ATCAY: variants seen among roughly 807,000 people sequenced by gnomAD.
ATCAY encodes caytaxin.
ATCAY carries 22 observed loss-of-function variants against 47.7 expected under a neutral mutation model. The ratio of observed to expected loss-of-function variants is 0.46; its 90% confidence interval spans 0.33 to 0.66. ATCAY has a LOEUF of 0.66. ATCAY is among the 30% of genes least tolerant of loss of function. The pLI is 0.02. For synonymous variants in ATCAY, 216 were observed against 207.6 expected (o/e 1.04, Z -0.35); for missense variants, 452 against 515.0 (o/e 0.88, Z 1.18).
chr19:3,924,629 T>A lies in ATCAY; in HGVS notation c.*37T>A. 6.2e-7 allele frequency: 1 copy of A among 1,612,642 alleles called. No homozygotes were observed. Among genetic ancestry groups the A allele is most frequent in the Non-Finnish European group, 8.5e-7 (1 of 1,179,086 alleles). On this transcript the variant is annotated 3_prime_UTR_variant, in exon 13 of 13. Transcript: ENST00000450849. ...CATAACAAAGGACATGGAAGAAGAT[T>A]CCAGATGCCAGAAAACCTCTGTCAG...
At chr19:3,919,049 G>A (rs2038993178) in intron 11 of ATCAY, among the ~76,000 whole-genome samples, 172 bp downstream of exon 11, 1 of 151,976 alleles carries the variant, frequency 6.6e-6, no homozygotes, top group Non-Finnish European at 1.5e-5. Flanking sequence ...AGGCCGAGGT[G>A]GGCAGATCAC....
chr19:3,887,471 T>C (rs1240606227), intron 2 of ATCAY, among the ~76,000 whole-genome samples: 2 of 150,490 alleles, frequency 1.3e-5, no homozygotes, highest in Non-Finnish European at 3.0e-5. Flanking sequence ...TTTATTTTAT[T>C]TTTTTTATTT....
At chr19:3,923,323 G>T (rs1308931953) in intron 12 of ATCAY, among the ~76,000 whole-genome samples, 4 of 152,202 alleles carry the variant, frequency 2.6e-5, no homozygotes, top group African/African-American at 7.2e-5. Flanking sequence ...ATTAGATCTT[G>T]CCTGGAGATC....
At chr19:3,899,960 G>A (rs927934926) in intron 2 of ATCAY, among the ~76,000 whole-genome samples, 5 of 152,096 alleles carry the variant, frequency 3.3e-5, no homozygotes, top group Admixed American at 3.3e-4. Context: ...TGCAAAGTTA[G>A]TACAGATAAT....
chr19:3,899,599 G>C (rs1403448667), intron 2 of ATCAY, among the ~76,000 whole-genome samples: 1 of 152,044 alleles, frequency 6.6e-6, no homozygotes, highest in African/African-American at 2.4e-5. Flanking sequence ...ACAGGCATGA[G>C]CCACCACGCC....
At position 3,907,274 on chromosome 19, in the gene ATCAY, A is replaced by G. The variant is rs892227606; in HGVS notation, c.359-460A>G. 6.6e-6 allele frequency among the ~76,000 whole-genome samples: 1 copy of G among 152,000 alleles called. No homozygotes were observed. Among genetic ancestry groups the G allele is most frequent in the African/African-American group, 2.4e-5 (1 of 41,370 alleles). ...AGCCTGGGCAACATATTGAAACCCC[A>G]TCTCTACAAAAATATAAAAATTAGC... On this transcript the variant is annotated intron_variant, in intron 4 of 12. Coordinates refer to ENST00000450849, the MANE Select transcript of ATCAY (RefSeq NM_033064.5). The surrounding 1 kb of genome is among the most constrained non-coding windows in gnomAD (Gnocchi z 5.1).
At chr19:3,905,303 TG>T in intron 3 of ATCAY, 130 bp from the exon 4 acceptor site, 1 of 864,854 alleles carries the variant, frequency 1.2e-6, no homozygotes, top group Non-Finnish European at 1.7e-6. Flanking sequence ...GCCAATGGCA[TG>T]GATACAGAAG....
chr19:3,881,459 G>A (rs1464339986), intron 1 of ATCAY, among the ~76,000 whole-genome samples: 3 of 151,408 alleles, frequency 2.0e-5, no homozygotes, highest in African/African-American at 7.3e-5. Flanking sequence ...GGTGGTTTAT[G>A]GTTTAAGACA....
Position 3,913,863 on chromosome 19 carries a change from G to A in ATCAY, c.965+7G>A. 1.2e-6 allele frequency: 2 copies of A among 1,604,930 alleles called. No individual in the cohort carries two copies. The highest frequency in any genetic ancestry group is 8.5e-7 in the Non-Finnish European group (1 of 1,174,364). ...TCCCAGACTGCGTCCTGCAGTGAGT[G>A]GCCCCACAGTCCACCCCGCCGTATT... On this transcript the variant is annotated splice_region_variant and intron_variant, in intron 9 of 12. Coordinates refer to ENST00000450849, the MANE Select transcript of ATCAY (RefSeq NM_033064.5).
At chr19:3,897,288 A>AATCTATATCTATATCTATATCTAT (rs544266503) in intron 2 of ATCAY, among the ~76,000 whole-genome samples, 40 of 143,638 alleles carry the variant, frequency 2.8e-4, no homozygotes, top group African/African-American at 9.7e-4. Flanking sequence ...TATATAGCAA[A>AATCTATATCTATATCTATATCTAT]ATCTATATCT....
At chr19:3,885,016 T>C (rs1356971414) in intron 1 of ATCAY, among the ~76,000 whole-genome samples, 4 of 150,286 alleles carry the variant, frequency 2.7e-5, no homozygotes, top group African/African-American at 9.8e-5. Flanking sequence ...GGCAGGAGGA[T>C]TGCTTAAGCC....
At chr19:3,892,797 A>G (rs2038729831) in intron 2 of ATCAY, among the ~76,000 whole-genome samples, 1 of 152,070 alleles carries the variant, frequency 6.6e-6, no homozygotes. Context: ...AATCCCAGCT[A>G]CTGGGGAGGC....
chr19:3,905,558 C>A lies in ATCAY; in HGVS notation c.261C>A (p.Thr87=), dbSNP rs1300136771. ...TGCTGTCCGATGACTTCTTGGATAC[C>A]CCTGATGACCTGGATATTAACGTGG... The part of the protein sequence containing the change: ...GSLLSDDFLD[T]PDDLDINVDD... The change falls in exon 4 of 13, where the codon ACC becomes ACA. Residue 87 remains threonine, a synonymous_variant. Transcript: ENST00000450849. 1.2e-6 allele frequency: 2 copies of A among 1,613,842 alleles called. No homozygotes were observed. The highest frequency in any genetic ancestry group is 2.2e-5 in the East Asian group (1 of 44,880).
At chr19:3,903,880 T>C (rs181010405) in intron 3 of ATCAY, among the ~76,000 whole-genome samples, 1 of 149,290 alleles carries the variant, frequency 6.7e-6, no homozygotes, top group East Asian at 2.0e-4. Context: ...GGCTCACGCC[T>C]GTAATCCCAG....
At position 3,909,500 on chromosome 19, in the gene ATCAY, G is replaced by A. The variant is rs1292150473; in HGVS notation, c.662G>A (p.Ser221Asn). Reference sequence around the variant, plus strand: ...CCCGTGAGCAGGTACGTCATCAGCAGCTTAGAGCTCCTGGTGGCTGAGGAC... The same window carrying A: ...CCCGTGAGCAGGTACGTCATCAGCAACTTAGAGCTCCTGGTGGCTGAGGAC... ...MENLFLYVIS[S>N]LELLVAEDYM... is the part of the protein sequence containing the mutation. The change falls in exon 7 of 13, where the codon AGC becomes AAC. Residue 221 changes from serine (S) to asparagine (N), a missense_variant. Physicochemically the swap from Ser to Asn is conservative, Grantham distance 46. Transcript: ENST00000450849. 1 of 1,613,722 alleles carries A rather than the reference G, an allele frequency of 6.2e-7. No individual in the cohort carries two copies. The highest frequency in any genetic ancestry group is 8.5e-7 in the Non-Finnish European group (1 of 1,179,782).
At chr19:3,922,296 G>T in intron 12 of ATCAY, 2 of 676,832 alleles carry the variant, frequency 3.0e-6, no homozygotes, top group Non-Finnish European at 5.3e-6. Flanking sequence ...AAGAAAAGAG[G>T]TTTAATTGAC....
At chr19:3,906,266 AG>A in intron 4 of ATCAY, among the ~76,000 whole-genome samples, 1 of 149,062 alleles carries the variant, frequency 6.7e-6, no homozygotes, top group East Asian at 2.0e-4. Context: ...GCAGAATAGG[AG>A]GGGTGCCAGG....
rs748431773 is a variant in ATCAY, at chr19:3,885,788, G to C, written c.21G>C (p.Thr7=). Residue 7 remains threonine (T), a synonymous_variant, in exon 2 of 13, where the codon ACG becomes ACC. Coordinates refer to ENST00000450849, the MANE Select transcript of ATCAY (RefSeq NM_033064.5). ...CTCCCATGGGGACCACCGAAGCCAC[G>C]CTCCGGATGGAAAACGTGGACGTGA... MGTTEA[T]LRMENVDVKE... is the part of the protein sequence containing the mutation. The C allele has an allele frequency of 6.4e-7, 1 of 1,551,684 alleles. No homozygotes were observed. The highest frequency in any genetic ancestry group is 2.0e-5 in the Admixed American group (1 of 51,016).
chr19:3,922,823 C>A (rs974668695), intron 12 of ATCAY, among the ~76,000 whole-genome samples: 6 of 152,174 alleles, frequency 3.9e-5, no homozygotes, highest in African/African-American at 1.4e-4. Flanking sequence ...TGGCTCACTG[C>A]AAGCTCCGCC....
Sources: allele counts gnomAD v4.1 joint callset (sites outside exome capture counted in the v4.1 genomes callset), GRCh38; gene constraint gnomAD v4.1.1; non-coding constraint Gnocchi (gnomAD v3.1); transcripts MANE v1.5; gene names NCBI Gene and HGNC (gene_info 2026-07-23, HGNC 2026-07-21).